The following FAP variants were observed in gnomAD, a reference collection of about 807,000 sequenced individuals.
FAP encodes the protein fibroblast activation protein alpha.
In FAP, 110 loss-of-function variants were observed where a neutral mutation model predicts 126.5. That is an observed-to-expected ratio of 0.87 (90% CI 0.74 to 1.02). The LOEUF is 1.02. Among genes scored for constraint, FAP ranks in the 50% least tolerant of loss-of-function variants. FAP has a pLI of 0.00. For synonymous variants in FAP, 334 were observed against 297.3 expected (o/e 1.12, Z -1.27); for missense variants, 919 against 909.2 (o/e 1.01, Z -0.14).
intron 2 of FAP, among the ~76,000 whole-genome samples, chr2:162,238,506 G>A (rs796569729): frequency 5.8e-4 from 88 of 152,244 alleles, no homozygotes; most frequent in African/African-American, 1.9e-3. Context: ...TAAAATTCAC[G>A]TGCAAATTAG....
chr2:162,198,703 G>C, intron 16 of FAP, 54 bp downstream of exon 16: 1 of 1,602,288 alleles, frequency 6.2e-7, no homozygotes, highest in Non-Finnish European at 8.5e-7. Flanking sequence ...GAGGTGAGGA[G>C]GATGACAACC....
chr2:162,203,710 G>A (rs1377117627), intron 12 of FAP, among the ~76,000 whole-genome samples: 1 of 152,138 alleles, frequency 6.6e-6, no homozygotes, highest in East Asian at 1.9e-4. Context: ...CTTGAGCACA[G>A]GAAGCCGACT....
chr2:162,225,605 A>G (rs1689611970), intron 3 of FAP, 28 bp from the exon 4 acceptor site: 1 of 1,562,588 alleles, frequency 6.4e-7, no homozygotes, highest in African/African-American at 1.4e-5. Flanking sequence ...AACAAAATGT[A>G]AATGATCTCT....
Position 162,243,438 on chromosome 2 carries a change from G to A in FAP, c.-111C>T. On this transcript the variant is annotated 5_prime_UTR_variant, in exon 1 of 26. Coordinates refer to ENST00000188790, the MANE Select transcript of FAP (RefSeq NM_004460.5). ...TCTGTCTTTGTAGTTGGAAGCTGAA[G>A]CCAGGACAAGGTTTTTTTCTTTCCA... 1 of 1,423,292 alleles carries A rather than the reference G, an allele frequency of 7.0e-7. No homozygotes were observed. The highest frequency in any genetic ancestry group is 9.4e-7 in the Non-Finnish European group (1 of 1,064,414). 88.2% of individuals were successfully genotyped at this position (1,423,292 alleles called of 1,614,324 possible).
rs188784256 is a variant in FAP at position 162,175,787 on chromosome 2, T to G, written c.1870-821A>C. ...ATGGAAATTTGAACCTTTTCTTAAA[T>G]ATGAAGAAATGAACAGGGCATCCAA... On this transcript the variant is annotated intron_variant, in intron 21 of 25. Coordinates refer to ENST00000188790, the MANE Select transcript of FAP (RefSeq NM_004460.5). The G allele has an allele frequency of 8.5e-5, 13 of 152,240 alleles. No homozygotes were observed. The East Asian group carries it at 2.5e-3, about 29-fold the overall frequency. The allele number at this position is 152,240 out of a possible 1,614,324, so 9.4% of individuals were successfully genotyped here.
chr2:162,214,425 A>AT (rs1689089316), intron 10 of FAP, among the ~76,000 whole-genome samples: 1 of 152,064 alleles, frequency 6.6e-6, no homozygotes, highest in African/African-American at 2.4e-5. Flanking sequence ...AGTAAACTCA[A>AT]TTTTTCACCT....
At chr2:162,186,722 T>C (rs531436769) in intron 20 of FAP, among the ~76,000 whole-genome samples, 2 of 152,116 alleles carry the variant, frequency 1.3e-5, no homozygotes, top group Non-Finnish European at 2.9e-5. Flanking sequence ...CAGGATTACA[T>C]GTCCTTGATG....
At chr2:162,172,772 G>T (rs1424592638) in intron 25 of FAP, 39 bp downstream of exon 25, 3 of 1,362,122 alleles carry the variant, frequency 2.2e-6, no homozygotes, top group Non-Finnish European at 3.2e-6. Context: ...TAGCTTGAGG[G>T]TCTAAGGCCA....
In FAP at chr2:162,198,810, T is replaced by C; in HGVS notation, c.1349A>G (p.Tyr450Cys). 6.2e-7 allele frequency: 1 copy of C among 1,614,120 alleles called. No homozygotes were observed. The highest frequency in any genetic ancestry group is 8.5e-7 in the Non-Finnish European group (1 of 1,179,976). The stretch of plus-strand genomic sequence containing the variant: ...GTAGTCGCTGAAACTTGCTGTGTAA[T>C]ATTGGCACCTTTCTTTCCTTAGATG... Reference protein sequence around the residue: ...TCHLRKERCQYYTASFSDYAK... With the variant: ...TCHLRKERCQCYTASFSDYAK... The change falls in exon 16 of 26, where the codon TAT becomes TGT. Residue 450 changes from tyrosine (Y) to cysteine (C), a missense_variant. By Grantham distance (194) the Tyr-to-Cys change is radical. Coordinates refer to ENST00000188790, the MANE Select transcript of FAP (RefSeq NM_004460.5).
chr2:162,216,951 T>A (rs769624325), intron 9 of FAP, among the ~76,000 whole-genome samples: 1 of 152,196 alleles, frequency 6.6e-6, no homozygotes, highest in Non-Finnish European at 1.5e-5. Flanking sequence ...CAGTTCTGGG[T>A]TCCCCGTCTC....
intron 14 of FAP, 116 bp downstream of exon 14, chr2:162,202,756 T>C (rs1209095543): frequency 2.9e-6 from 2 of 679,716 alleles, no homozygotes; most frequent in Admixed American, 2.7e-5. Flanking sequence ...CTCACAACTG[T>C]CTGAATTATA....
intron 2 of FAP, among the ~76,000 whole-genome samples, chr2:162,227,795 C>T (rs564545903): frequency 5.0e-4 from 76 of 152,240 alleles, no homozygotes; most frequent in Non-Finnish European, 8.4e-4. Context: ...GCCAGTCTTT[C>T]TTTTCCTCAA....
chr2:162,211,129 T>A (rs887935296), intron 11 of FAP, among the ~76,000 whole-genome samples: 1 of 152,202 alleles, frequency 6.6e-6, no homozygotes, highest in African/African-American at 2.4e-5. Flanking sequence ...CTCATGCTAC[T>A]TTTAGGCCTA....
chr2:162,216,553 T>C (rs1306153510), intron 9 of FAP, among the ~76,000 whole-genome samples: 1 of 152,214 alleles, frequency 6.6e-6, no homozygotes. Flanking sequence ...AAATGAAGTA[T>C]CCATGAGATT....
At chr2:162,211,888 T>C (rs1208449579) in intron 11 of FAP, among the ~76,000 whole-genome samples, 4 of 152,112 alleles carry the variant, frequency 2.6e-5, no homozygotes, top group Non-Finnish European at 5.9e-5. Flanking sequence ...CACTTAACCT[T>C]AAATATTGTT....
At chr2:162,203,857 C>G (rs1688593353) in intron 12 of FAP, among the ~76,000 whole-genome samples, 1 of 152,188 alleles carries the variant, frequency 6.6e-6, no homozygotes, top group African/African-American at 2.4e-5. Flanking sequence ...CCTCAACATT[C>G]TAAATGATAG....
At chr2:162,232,722 C>T (rs574616079) in intron 2 of FAP, among the ~76,000 whole-genome samples, 1 of 152,012 alleles carries the variant, frequency 6.6e-6, no homozygotes, top group South Asian at 2.1e-4. Flanking sequence ...TAAAAATAGC[C>T]CATTTGTGTG....
chr2:162,235,271 A>G (rs1288414345), intron 2 of FAP, among the ~76,000 whole-genome samples: 2 of 149,110 alleles, frequency 1.3e-5, no homozygotes, highest in African/African-American at 4.9e-5. Flanking sequence ...GCCCGGTCCC[A>G]TGGATGGCCC....
chr2:162,237,431 C>G (rs1013938560), intron 2 of FAP, among the ~76,000 whole-genome samples: 2 of 152,026 alleles, frequency 1.3e-5, no homozygotes, highest in Non-Finnish European at 2.9e-5. Context: ...CATGTGTTCT[C>G]ATTGTTCAAC....
Sources: allele counts gnomAD v4.1 joint callset (sites outside exome capture counted in the v4.1 genomes callset), GRCh38; gene constraint gnomAD v4.1.1; transcripts MANE v1.5; gene names NCBI Gene and HGNC (gene_info 2026-07-23, HGNC 2026-07-21).